Variants in CATSPERT observed in about 807,000 individuals in gnomAD.
The protein encoded by CATSPERT is cation channel sperm-associated targeting subunit tau.
chr2:201,594,748 C>A, the CATSPERT span, among the ~76,000 whole-genome samples: 23 of 152,100 alleles, frequency 1.5e-4, no homozygotes, highest in Non-Finnish European at 3.1e-4. Flanking sequence ...ATTGCTGATA[C>A]CTTTTCTTCT....
At chr2:201,564,125 C>T in the CATSPERT span, among the ~76,000 whole-genome samples, 1 of 152,144 alleles carries the variant, frequency 6.6e-6, no homozygotes, top group South Asian at 2.1e-4. Context: ...ACCTCATGTG[C>T]CTCACACTAG....
the CATSPERT span, among the ~76,000 whole-genome samples, chr2:201,527,844 C>A: frequency 6.6e-6 from 1 of 151,454 alleles, no homozygotes; most frequent in African/African-American, 2.4e-5. Flanking sequence ...GGACATAGAC[C>A]CTGGAAAAGA....
At chr2:201,509,790 T>C in the CATSPERT span, among the ~76,000 whole-genome samples, 1 of 150,938 alleles carries the variant, frequency 6.6e-6, no homozygotes, top group African/African-American at 2.5e-5. Context: ...ACTTATTAAG[T>C]AATTATTTAA....
chr2:201,600,722 A>G, the CATSPERT span, among the ~76,000 whole-genome samples: 10 of 151,794 alleles, frequency 6.6e-5, no homozygotes, highest in Non-Finnish European at 5.9e-5. Context: ...GGACAAATCG[A>G]TGAATCCTGC....
At chr2:201,548,827 C>A in the CATSPERT span, among the ~76,000 whole-genome samples, 1 of 152,068 alleles carries the variant, frequency 6.6e-6, no homozygotes, top group African/African-American at 2.4e-5. Context: ...CAGTAGTGTG[C>A]AGACACAATT....
the CATSPERT span, among the ~76,000 whole-genome samples, chr2:201,572,540 A>G: frequency 2.0e-5 from 3 of 152,222 alleles, no homozygotes; most frequent in African/African-American, 4.8e-5. Flanking sequence ...TTCCACCTAC[A>G]TAAAATAATA....
At chr2:201,514,210 A>T in the CATSPERT span, among the ~76,000 whole-genome samples, 2 of 152,162 alleles carry the variant, frequency 1.3e-5, no homozygotes, top group African/African-American at 2.4e-5. Flanking sequence ...TACAATACCA[A>T]CTTTACCAAA....
At chr2:201,520,226 G>T in the CATSPERT span, among the ~76,000 whole-genome samples, 1 of 152,164 alleles carries the variant, frequency 6.6e-6, no homozygotes, top group Non-Finnish European at 1.5e-5. Flanking sequence ...AATAGATGGA[G>T]ACTTCAACAA....
chr2:201,594,949 T>C, the CATSPERT span, among the ~76,000 whole-genome samples: 3 of 152,190 alleles, frequency 2.0e-5, no homozygotes, highest in Non-Finnish European at 4.4e-5. Flanking sequence ...CGGAGTAATT[T>C]GATTGTCTGA....
At chr2:201,603,331 T>G in the CATSPERT span, 1 of 1,482,924 alleles carries the variant, frequency 6.7e-7, no homozygotes, top group Non-Finnish European at 9.3e-7. Context: ...AGTTAACTGT[T>G]CTTTCACTTT....
At chr2:201,544,924 G>A in the CATSPERT span, among the ~76,000 whole-genome samples, 4 of 151,898 alleles carry the variant, frequency 2.6e-5, no homozygotes, top group African/African-American at 9.7e-5. Context: ...TTGAACCCAG[G>A]AGGTCAAGTC....
At chr2:201,613,741 CA>C in the CATSPERT span, among the ~76,000 whole-genome samples, 1 of 152,148 alleles carries the variant, frequency 6.6e-6, no homozygotes, top group Non-Finnish European at 1.5e-5. Flanking sequence ...TTCAGATTAT[CA>C]GTAATAACAA....
At chr2:201,545,457 A>T in the CATSPERT span, 2 of 918,868 alleles carry the variant, frequency 2.2e-6, no homozygotes, top group African/African-American at 1.8e-5. Context: ...AAATCTACTT[A>T]AAGCAAATTA....
At chr2:201,555,343 C>T in the CATSPERT span, 1 of 152,048 alleles carries the variant, frequency 6.6e-6, no homozygotes, top group Non-Finnish European at 1.5e-5. Context: ...GGCAAAATCC[C>T]ATCTCTACTA....
the CATSPERT span, among the ~76,000 whole-genome samples, chr2:201,594,164 G>A: frequency 2.0e-5 from 3 of 152,048 alleles, no homozygotes; most frequent in Non-Finnish European, 4.4e-5. Context: ...GCTCTTTTAG[G>A]GCAGGCCTGG....
the CATSPERT span, among the ~76,000 whole-genome samples, chr2:201,612,048 A>G: frequency 2.6e-5 from 4 of 152,196 alleles, no homozygotes; most frequent in African/African-American, 9.6e-5. Flanking sequence ...AAATCCCAGT[A>G]ATGATGATGA....
the CATSPERT span, among the ~76,000 whole-genome samples, chr2:201,610,876 A>C: frequency 1.3e-5 from 2 of 152,334 alleles, no homozygotes; most frequent in African/African-American, 4.8e-5. Context: ...CAAAAACCAA[A>C]TGATCATCTC....
chr2:201,524,527 T>C, the CATSPERT span, among the ~76,000 whole-genome samples: 1 of 152,250 alleles, frequency 6.6e-6, no homozygotes, highest in South Asian at 2.1e-4. Flanking sequence ...CATATTTAAG[T>C]ACACAGCCCA....
chr2:201,577,762 G>A, the CATSPERT span, among the ~76,000 whole-genome samples: 2 of 152,148 alleles, frequency 1.3e-5, no homozygotes, highest in Non-Finnish European at 2.9e-5. Flanking sequence ...GGGAAGATGT[G>A]TATAAAGTTA....
Sources: allele counts gnomAD v4.1 joint callset (sites outside exome capture counted in the v4.1 genomes callset), GRCh38; gene constraint gnomAD v4.1.1; transcripts MANE v1.5; gene names NCBI Gene and HGNC (gene_info 2026-07-23, HGNC 2026-07-21).